ZNF804B: variants seen among roughly 807,000 people sequenced by gnomAD.
ZNF804B encodes the protein zinc finger 804B.
Under a neutral mutation model 101.4 loss-of-function variants are expected in ZNF804B, and 80 were observed. That is an observed-to-expected ratio of 0.79 (90% CI 0.66 to 0.95). The LOEUF is 0.95. Ranked by LOEUF, ZNF804B falls within the 40% of genes least tolerant of loss-of-function variation. The pLI is 0.00. For synonymous variants in ZNF804B, 622 were observed against 558.8 expected (o/e 1.11, Z -1.59); for missense variants, 1,673 against 1,561.9 (o/e 1.07, Z -1.20).
chr7:89,297,294 C>T (rs573671745), intron 2 of ZNF804B, among the ~76,000 whole-genome samples: 1 of 152,098 alleles, frequency 6.6e-6, no homozygotes, highest in East Asian at 1.9e-4. Flanking sequence ...AATGTTTTCT[C>T]TTTAGGGTCT....
intron 1 of ZNF804B, among the ~76,000 whole-genome samples, chr7:88,965,422 C>G (rs1793440330): frequency 6.6e-6 from 1 of 151,332 alleles, no homozygotes; most frequent in Non-Finnish European, 1.5e-5. Flanking sequence ...GGGCTAGGAG[C>G]TATTTTTTTG....
intron 1 of ZNF804B, among the ~76,000 whole-genome samples, chr7:88,941,245 A>C (rs888730613): frequency 4.6e-5 from 7 of 152,030 alleles, no homozygotes; most frequent in Non-Finnish European, 8.8e-5. Context: ...CATACAGTCT[A>C]TCAGTTGGAC....
At chr7:89,297,490 C>T (rs1288584050) in intron 2 of ZNF804B, among the ~76,000 whole-genome samples, 1 of 151,934 alleles carries the variant, frequency 6.6e-6, no homozygotes, top group East Asian at 1.9e-4. Flanking sequence ...CCACAGAAGC[C>T]TATGTTGCTA....
chr7:89,167,744 G>A (rs763945742), intron 1 of ZNF804B, among the ~76,000 whole-genome samples: 2 of 152,012 alleles, frequency 1.3e-5, no homozygotes, highest in Non-Finnish European at 2.9e-5. Flanking sequence ...AATTATGGTA[G>A]CTATTATTAA....
intron 2 of ZNF804B, among the ~76,000 whole-genome samples, chr7:89,219,685 G>A (rs1788951721): frequency 6.6e-6 from 1 of 151,428 alleles, no homozygotes; most frequent in African/African-American, 2.4e-5. Flanking sequence ...GCTAACAGCT[G>A]TAACAAGGTA....
chr7:89,171,601 A>T (rs1402454145), intron 1 of ZNF804B, among the ~76,000 whole-genome samples: 3 of 151,782 alleles, frequency 2.0e-5, no homozygotes, highest in Admixed American at 6.6e-5. Context: ...CACCTGGCTA[A>T]TTTTTGTAGT....
At chr7:88,969,271 G>T (rs1023215576) in intron 1 of ZNF804B, among the ~76,000 whole-genome samples, 2 of 151,542 alleles carry the variant, frequency 1.3e-5, no homozygotes, top group African/African-American at 4.8e-5. Flanking sequence ...TTATAGCAGT[G>T]CATAGCTTTT....
intron 1 of ZNF804B, among the ~76,000 whole-genome samples, chr7:89,034,647 T>A (rs951048607): frequency 6.6e-6 from 1 of 152,202 alleles, no homozygotes; most frequent in Non-Finnish European, 1.5e-5. Context: ...ATCCAGTCTA[T>A]CACTGATGGG....
intron 1 of ZNF804B, among the ~76,000 whole-genome samples, chr7:88,835,925 T>C (rs2115793730): frequency 6.6e-6 from 1 of 152,082 alleles, no homozygotes; most frequent in South Asian, 2.1e-4. Flanking sequence ...GTAGCTAGTC[T>C]ATGGGAAAGA....
chr7:89,039,928 A>C (rs1465826184), intron 1 of ZNF804B, among the ~76,000 whole-genome samples: 1 of 151,858 alleles, frequency 6.6e-6, no homozygotes, highest in Non-Finnish European at 1.5e-5. Flanking sequence ...TTGACTTTTG[A>C]GAATTTTGTT....
intron 1 of ZNF804B, among the ~76,000 whole-genome samples, chr7:89,020,416 G>A (rs1444675180): frequency 6.6e-6 from 1 of 151,972 alleles, no homozygotes; most frequent in East Asian, 1.9e-4. Flanking sequence ...TAAGATTTCT[G>A]CTGAGAAATC....
intron 2 of ZNF804B, among the ~76,000 whole-genome samples, chr7:89,253,619 C>T (rs1177347481): frequency 3.9e-5 from 6 of 151,980 alleles, no homozygotes; most frequent in Non-Finnish European, 5.9e-5. Flanking sequence ...ACACCAGTTC[C>T]AGATGGTTTC....
At chr7:88,811,503 A>G (rs1033953645) in intron 1 of ZNF804B, among the ~76,000 whole-genome samples, 1 of 152,184 alleles carries the variant, frequency 6.6e-6, no homozygotes, top group African/African-American at 2.4e-5. Flanking sequence ...AAAACATTCT[A>G]TTATAAAGGT....
intron 1 of ZNF804B, among the ~76,000 whole-genome samples, chr7:88,919,911 C>T (rs1424089000): frequency 6.6e-6 from 1 of 151,976 alleles, no homozygotes; most frequent in Non-Finnish European, 1.5e-5. Flanking sequence ...AGTACAGAAG[C>T]CACCAGAGGT....
chr7:88,955,801 G>A (rs906787112), intron 1 of ZNF804B, among the ~76,000 whole-genome samples: 6 of 151,548 alleles, frequency 4.0e-5, no homozygotes, highest in African/African-American at 1.5e-4. Flanking sequence ...ACAATCAACA[G>A]AGTGAAAAGA....
intron 1 of ZNF804B, among the ~76,000 whole-genome samples, chr7:89,166,636 C>G (rs1307814450): frequency 6.6e-6 from 1 of 152,112 alleles, no homozygotes; most frequent in East Asian, 1.9e-4. Flanking sequence ...TTTGAGAGTA[C>G]TTTGAGCATC....
At chr7:89,265,522 C>T (rs1177703874) in intron 2 of ZNF804B, among the ~76,000 whole-genome samples, 1 of 152,028 alleles carries the variant, frequency 6.6e-6, no homozygotes, top group Non-Finnish European at 1.5e-5. Context: ...TTAGTTAAAG[C>T]CATTTGTGCC....
At chr7:89,152,377 T>A (rs150112397) in intron 1 of ZNF804B, among the ~76,000 whole-genome samples, 1 of 152,080 alleles carries the variant, frequency 6.6e-6, no homozygotes, top group East Asian at 1.9e-4. Flanking sequence ...AACTAATAGG[T>A]CTTTTTAAGG....
At chr7:89,000,400 GTTAT>G (rs1788265524) in intron 1 of ZNF804B, among the ~76,000 whole-genome samples, 1 of 151,818 alleles carries the variant, frequency 6.6e-6, no homozygotes, top group Non-Finnish European at 1.5e-5. Context: ...TAGTAATTTG[GTTAT>G]TTCAGTACAT....
Sources: gnomAD v4.1 joint callset for allele counts (sites outside exome capture counted in the v4.1 genomes callset) on GRCh38, gnomAD v4.1.1 for gene constraint, MANE v1.5 for transcripts, NCBI Gene and HGNC (gene_info 2026-07-23, HGNC 2026-07-21) for gene names.